FRMPD2: variants seen among roughly 807,000 people sequenced by gnomAD.
The protein encoded by FRMPD2 is FERM and PDZ domain containing 2, also known as FERM and PDZ domain-containing protein 2.
A neutral mutation model predicts 140.1 loss-of-function variants in FRMPD2; 96 were observed. The ratio of observed to expected loss-of-function variants is 0.69; its 90% CI spans 0.58 to 0.81. FRMPD2 has a LOEUF of 0.81. Ranked by LOEUF, FRMPD2 falls within the 40% of genes least tolerant of loss-of-function variation. The pLI is 0.00. For missense variants in FRMPD2, 1,240 were observed against 1,447.4 expected, an observed-to-expected ratio of 0.86 and a Z score of 2.32; for synonymous variants, 449 against 547.6, an observed-to-expected ratio of 0.82 and a Z score of 2.52.
intron 4 of FRMPD2, among the ~76,000 whole-genome samples, chr10:48,243,761 G>A (rs189236911): frequency 4.6e-5 from 7 of 152,220 alleles, no homozygotes; most frequent in East Asian, 1.9e-4. Context: ...GGAAGAGCCC[G>A]GATGTTGAAT....
At chr10:48,240,759 C>G (rs189477981) in intron 5 of FRMPD2, among the ~76,000 whole-genome samples, 7 of 152,310 alleles carry the variant, frequency 4.6e-5, no homozygotes, top group Non-Finnish European at 1.0e-4. Flanking sequence ...TACAGCCTCC[C>G]CAGAAGCTCC....
intron 1 of FRMPD2, among the ~76,000 whole-genome samples, chr10:48,257,110 A>G (rs2131976471): frequency 6.7e-6 from 1 of 150,094 alleles, no homozygotes; most frequent in Non-Finnish European, 1.5e-5. Context: ...TTCCTCAGCT[A>G]TGGCCACATC....
At chr10:48,228,105 T>C (rs141969090) in intron 10 of FRMPD2, among the ~76,000 whole-genome samples, 29 of 152,208 alleles carry the variant, frequency 1.9e-4, no homozygotes, top group Admixed American at 6.5e-4. Context: ...TGTTTTAACT[T>C]TTAGGTTCTT....
At chr10:48,192,961 T>C in intron 15 of FRMPD2, 67 bp from the exon 16 acceptor site, 14 of 1,222,854 alleles carry the variant, frequency 1.1e-5, no homozygotes, top group Non-Finnish European at 1.7e-5. Flanking sequence ...ATTGCTCTGG[T>C]GGTTGTAACA....
At chr10:48,270,197 G>A (rs1268205123) in intron 1 of FRMPD2, among the ~76,000 whole-genome samples, 1 of 152,186 alleles carries the variant, frequency 6.6e-6, no homozygotes, top group Non-Finnish European at 1.5e-5. Context: ...CCAAGGAGCT[G>A]CTAGTGGACG....
intron 16 of FRMPD2, among the ~76,000 whole-genome samples, chr10:48,189,938 G>A (rs984117536): frequency 4.6e-5 from 7 of 152,130 alleles, no homozygotes; most frequent in African/African-American, 1.7e-4. Flanking sequence ...CCAGTGGGGA[G>A]GGATGACTAT....
chr10:48,215,229 C>T (rs189757053), intron 12 of FRMPD2, among the ~76,000 whole-genome samples: 1 of 152,270 alleles, frequency 6.6e-6, no homozygotes, highest in African/African-American at 2.4e-5. Context: ...CACACTAAGT[C>T]TTCCCAGATA....
chr10:48,160,008 A>G (rs1383718957), intron 28 of FRMPD2, among the ~76,000 whole-genome samples: 1 of 151,352 alleles, frequency 6.6e-6, no homozygotes, highest in Non-Finnish European at 1.5e-5. Flanking sequence ...GACCAAACAA[A>G]AAGTGATTTG....
At chr10:48,186,658 T>C (rs1236563820) in intron 17 of FRMPD2, among the ~76,000 whole-genome samples, 2 of 152,234 alleles carry the variant, frequency 1.3e-5, no homozygotes, top group African/African-American at 4.8e-5. Context: ...AACCTCTTTT[T>C]CTTCCCAGTC....
At position 48,216,490 on chromosome 10, in the gene FRMPD2, C is replaced by T. The variant is rs549252707; in HGVS notation, c.1456-4381G>A. On this transcript the variant is annotated intron_variant, in intron 12 of 28. Transcript: ENST00000374201. ...GACTATTACTCAAACTCCCACCTGC[C>T]TCCAGTGGATCTGGCCTGCTGTCCC... Among the ~76,000 whole-genome samples, 7 of 152,310 alleles carry T rather than the reference C, an allele frequency of 4.6e-5. No individual in the cohort carries two copies. In the South Asian group the frequency reaches 1.4e-3, roughly 32 times the overall value.
chr10:48,223,142 T>C lies in FRMPD2; in HGVS notation c.1297A>G (p.Ser433Gly), dbSNP rs750849945. 23 of 1,613,814 alleles carry C rather than the reference T, an allele frequency of 1.4e-5. 1 individual carries two copies. The highest frequency in any genetic ancestry group is 1.3e-5 in the African/African-American group (1 of 74,934). Residue 433 changes from serine to glycine, a missense_variant, in exon 11 of 29, where the codon AGC (serine) becomes GGC (glycine). By Grantham distance (56) the Ser-to-Gly change is moderately conservative (BLOSUM62 0). Transcript: ENST00000374201. ...ACTCACTGGAGCAGCCCATAGTGGC[T>C]GACAAAGAACTTTATCCTCAGGAAG... Reference protein sequence around the residue: ...TLFLRIKFFVSHYGLLQHSLT... With the variant: ...TLFLRIKFFVGHYGLLQHSLT...
chr10:48,178,263 T>G (rs1378922256), intron 21 of FRMPD2, 112 bp from the exon 22 acceptor site: 7 of 763,898 alleles, frequency 9.2e-6, no homozygotes, highest in Non-Finnish European at 1.6e-5. Flanking sequence ...ATCATGAGCT[T>G]TGGATTGGGC....
chr10:48,261,489 C>T lies in FRMPD2; in HGVS notation c.26-9798G>A, dbSNP rs114426798. On this transcript the variant is annotated intron_variant, in intron 1 of 28. Transcript: ENST00000374201. ...TCACAAACTGTTCAAGTAAAAAGAT[C>T]GTAGGACGTAATATTTAAAGTGTAA... 4.5e-3 allele frequency among the ~76,000 whole-genome samples: 691 copies of T among 152,066 alleles called. 8 individuals carry two copies. Among genetic ancestry groups the T allele is most frequent in the African/African-American group, 0.016 (644 of 41,516 alleles).
chr10:48,224,750 G>A (rs889768247), intron 10 of FRMPD2, among the ~76,000 whole-genome samples: 3 of 152,008 alleles, frequency 2.0e-5, no homozygotes, highest in Non-Finnish European at 4.4e-5. Context: ...GGCTCAGGAT[G>A]GCCACCTGAT....
intron 28 of FRMPD2, among the ~76,000 whole-genome samples, chr10:48,159,997 C>A (rs1411314166): frequency 6.6e-6 from 1 of 151,266 alleles, no homozygotes; most frequent in Non-Finnish European, 1.5e-5. Context: ...ATCTGAGGCT[C>A]GACCAAACAA....
chr10:48,240,786 C>A (rs1313974303), intron 5 of FRMPD2, among the ~76,000 whole-genome samples: 1 of 152,170 alleles, frequency 6.6e-6, no homozygotes, highest in Admixed American at 6.5e-5. Context: ...CCCACAAGAC[C>A]CAGAGCTGTG....
chr10:48,240,476 A>T lies in FRMPD2; in HGVS notation c.584T>A (p.Val195Glu). The change falls in exon 6 of 29, where the codon GTG becomes GAG. Residue 195 changes from valine (V) to glutamate (E), a missense_variant. This residue lies in a region of FRMPD2 where 1,161 missense variants were observed against 1,055.9 expected (regional missense o/e 1.10). Coordinates refer to ENST00000374201, the MANE Select transcript of FRMPD2 (RefSeq NM_001018071.4). ...GTISEVEKRV[V>E]EESSSVQQNR... ...CTGCTGCACAGAGGAGCTTTCCTCCACAACTCTTTTCTCCACCTGGGGGTC... is the reference window on the plus strand; with the variant it reads ...CTGCTGCACAGAGGAGCTTTCCTCCTCAACTCTTTTCTCCACCTGGGGGTC... 6.2e-7 allele frequency: 1 copy of T among 1,613,818 alleles called. No individual in the cohort carries two copies. Among genetic ancestry groups the T allele is most frequent in the Non-Finnish European group, 8.5e-7 (1 of 1,180,020 alleles).
In FRMPD2 at chr10:48,201,208, A is replaced by G. The variant is rs191295909; in HGVS notation, c.1954+20T>C. On this transcript the variant is annotated intron_variant, in intron 15 of 28. Transcript: ENST00000374201. ...AACAAACTTGTCAAAGTGTATATGG[A>G]GAATACAGCTTCTACTCACCAAATA... 1 of 1,573,548 alleles carries G rather than the reference A, an allele frequency of 6.4e-7. No individual in the cohort carries two copies.
rs1839619145 is a variant in FRMPD2 at position 48,222,384 on chromosome 10, A to G, written c.1384T>C (p.Cys462Arg). ...AGCTGCAGCAGTATCTCTTCATTGC[A>G]GTACAGCCTCTCCTCCAGGATATCT... ...RKDILEERLY[C>R]NEEILLQLGV... Residue 462 changes from cysteine (C) to arginine (R), a missense_variant, in exon 12 of 29, where the codon TGC becomes CGC. Physicochemically the swap from Cys to Arg is radical, Grantham distance 180. This residue lies in a region of FRMPD2 where 1,161 missense variants were observed against 1,055.9 expected (regional missense o/e 1.10). Transcript: ENST00000374201. The G allele has an allele frequency of 3.7e-6, 6 of 1,614,082 alleles. No individual in the cohort carries two copies. The highest frequency in any genetic ancestry group is 5.1e-6 in the Non-Finnish European group (6 of 1,180,022).
Sources: gnomAD v4.1 joint callset for allele counts (sites outside exome capture counted in the v4.1 genomes callset) on GRCh38, gnomAD v4.1.1 for gene constraint, gnomAD v4.1.1 regional missense constraint, MANE v1.5 for transcripts, NCBI Gene and HGNC (gene_info 2026-07-23, HGNC 2026-07-21) for gene names.